The following SERPINA6 variants were observed in gnomAD, a reference collection of about 807,000 sequenced individuals.
The protein encoded by SERPINA6 is corticosteroid-binding globulin.
In SERPINA6, 19 loss-of-function variants were observed where a neutral mutation model predicts 26.4. The ratio of observed to expected loss-of-function variants is 0.72; its 90% confidence interval spans 0.50 to 1.06. The LOEUF is 1.06. SERPINA6 is among the 50% of genes least tolerant of loss of function. The pLI, the probability that SERPINA6 is intolerant of heterozygous loss-of-function variation, is 0.00. For synonymous variants in SERPINA6, 196 were observed against 199.4 expected, an observed-to-expected ratio of 0.98 and a Z score of 0.14; for missense variants, 473 against 504.0, an observed-to-expected ratio of 0.94 and a Z score of 0.59.
rs563481039 is a variant in SERPINA6 at position 94,304,388 on chromosome 14, A to G, written c.*30T>C. ...TGGGATCCCTGGTTCCCAAAGTCAG[A>G]CAGTGCTGAGGCTCTGGGTGGGTGG... is the stretch of plus-strand genomic sequence containing the variant. On this transcript the variant is annotated 3_prime_UTR_variant, in exon 5 of 5. Transcript: ENST00000341584. 2.6e-5 allele frequency: 42 copies of G among 1,610,190 alleles called. No homozygotes were observed. In the South Asian group the frequency reaches 4.6e-4, roughly 18 times the overall value.
intron 1 of SERPINA6, chr14:94,314,876 C>T: frequency 1.6e-6 from 1 of 615,538 alleles, no homozygotes; most frequent in Non-Finnish European, 2.9e-6. Context: ...TATCCAGTGC[C>T]TGACAGGTAC....
At chr14:94,306,473 C>T (rs936949853) in intron 3 of SERPINA6, among the ~76,000 whole-genome samples, 3 of 152,306 alleles carry the variant, frequency 2.0e-5, no homozygotes, top group Non-Finnish European at 4.4e-5. Flanking sequence ...GCAATTCCTT[C>T]GAGCTGATTC....
intron 1 of SERPINA6, among the ~76,000 whole-genome samples, chr14:94,316,183 C>G (rs1273195709): frequency 6.6e-6 from 1 of 152,074 alleles, no homozygotes; most frequent in Non-Finnish European, 1.5e-5. Flanking sequence ...AGTTTTCCTT[C>G]TGTTATTGAT....
intron 3 of SERPINA6, among the ~76,000 whole-genome samples, chr14:94,306,710 G>A (rs1895446392): frequency 6.6e-6 from 1 of 152,192 alleles, no homozygotes; most frequent in Non-Finnish European, 1.5e-5. Flanking sequence ...TTGAACACAG[G>A]CTCTCCCAGG....
At chr14:94,313,655 T>C (rs909274294) in intron 2 of SERPINA6, among the ~76,000 whole-genome samples, 1 of 152,024 alleles carries the variant, frequency 6.6e-6, no homozygotes, top group African/African-American at 2.4e-5. Context: ...CAGGATGGCT[T>C]TGGGGGCATC....
chr14:94,312,789 T>G, intron 2 of SERPINA6, among the ~76,000 whole-genome samples: 3 of 141,280 alleles, frequency 2.1e-5, no homozygotes, highest in African/African-American at 5.4e-5. Context: ...AGGTGCGGGA[T>G]GGGAGGGGAG....
In SERPINA6 at chr14:94,314,570, C is replaced by T. The variant is rs753007057; in HGVS notation, c.79G>A (p.Ala27Thr). ...TGGTTACTCATGTTCACATAAGCAG[C>T]GTTAGGATCCATGGCCTGGACGGTC... ...LWTVQAMDPN[A>T]AYVNMSNHHR... Residue 27 changes from alanine (A) to threonine (T), a missense_variant, in exon 2 of 5, where the codon GCT becomes ACT. Ala to Thr is a moderately conservative substitution (Grantham distance 58, BLOSUM62 0). Coordinates refer to ENST00000341584, the MANE Select transcript of SERPINA6 (RefSeq NM_001756.4). 23 of 1,614,016 alleles carry T rather than the reference C, an allele frequency of 1.4e-5. No individual in the cohort carries two copies. The highest frequency in any genetic ancestry group is 1.6e-4 in the Middle Eastern group (1 of 6,084).
chr14:94,313,781 TG>T, intron 2 of SERPINA6: 1 of 628,368 alleles, frequency 1.6e-6, no homozygotes, highest in Non-Finnish European at 2.9e-6. Flanking sequence ...AGACTGTTCA[TG>T]GTTACAGGTG....
At chr14:94,317,943 A>C (rs990483227) in intron 1 of SERPINA6, among the ~76,000 whole-genome samples, 1 of 152,260 alleles carries the variant, frequency 6.6e-6, no homozygotes, top group African/African-American at 2.4e-5. Flanking sequence ...TTATATGTTC[A>C]AAACCCTAAA....
chr14:94,316,107 G>A (rs956297332), intron 1 of SERPINA6, among the ~76,000 whole-genome samples: 18 of 152,078 alleles, frequency 1.2e-4, no homozygotes, highest in African/African-American at 4.3e-4. Context: ...TTCCCCTGGT[G>A]GTATCTTTTT....
Position 94,306,167 on chromosome 14 carries a change from G to C in SERPINA6, c.936C>G (p.Leu312=), listed in dbSNP as rs1042394. The C allele has an allele frequency of 1.2e-6, 2 of 1,613,920 alleles. No homozygotes were observed. Among genetic ancestry groups the C allele is most frequent in the African/African-American group, 2.7e-5 (2 of 74,884 alleles). ...PKVTISGVYD[L]GDVLEEMGIA... ...TGCCCATTTCCTCCAGCACATCTCC[G>C]AGGTCATAGACTCCAGAGATGGTGA... is the stretch of plus-strand genomic sequence containing the variant. The change falls in exon 4 of 5, where the codon CTC becomes CTG. Residue 312 remains leucine (L), a synonymous_variant. Coordinates refer to ENST00000341584, the MANE Select transcript of SERPINA6 (RefSeq NM_001756.4).
chr14:94,306,707 C>G (rs903347555), intron 3 of SERPINA6, among the ~76,000 whole-genome samples: 8 of 152,324 alleles, frequency 5.3e-5, no homozygotes, highest in African/African-American at 1.9e-4. Context: ...TGGTTGAACA[C>G]AGGCTCTCCC....
intron 1 of SERPINA6, 117 bp from the exon 2 acceptor site, chr14:94,314,784 G>C: frequency 1.1e-6 from 1 of 939,660 alleles, no homozygotes; most frequent in Non-Finnish European, 1.7e-6. Context: ...CTCCACACTG[G>C]CTGTGTGACC....
intron 1 of SERPINA6, among the ~76,000 whole-genome samples, chr14:94,316,085 A>C (rs1895609849): frequency 6.6e-6 from 1 of 152,166 alleles, no homozygotes; most frequent in Non-Finnish European, 1.5e-5. Context: ...TTTGTCTTTA[A>C]GTATTTTCTA....
intron 3 of SERPINA6, 117 bp from the exon 4 acceptor site, chr14:94,306,335 G>T (rs1353665325): frequency 5.7e-6 from 6 of 1,053,818 alleles, no homozygotes; most frequent in African/African-American, 1.6e-5. Context: ...TCCAGCTCCT[G>T]CCCTCCAGCC....
At chr14:94,317,746 A>T (rs1895631672) in intron 1 of SERPINA6, among the ~76,000 whole-genome samples, 1 of 152,230 alleles carries the variant, frequency 6.6e-6, no homozygotes, top group Non-Finnish European at 1.5e-5. Context: ...AAAACCTTTT[A>T]TACTCAATAG....
At chr14:94,312,522 C>T (rs897108072) in intron 2 of SERPINA6, among the ~76,000 whole-genome samples, 4 of 152,224 alleles carry the variant, frequency 2.6e-5, no homozygotes, top group Admixed American at 6.5e-5. Context: ...TGCACAGTCT[C>T]GTGGGGGAGA....
At chr14:94,308,202 C>T (rs1895470454) in intron 3 of SERPINA6, among the ~76,000 whole-genome samples, 1 of 152,238 alleles carries the variant, frequency 6.6e-6, no homozygotes, top group South Asian at 2.1e-4. Context: ...CATTCCCGGG[C>T]AGAGTCAGGC....
intron 3 of SERPINA6, among the ~76,000 whole-genome samples, chr14:94,308,470 A>T (rs1895474851): frequency 6.6e-6 from 1 of 152,216 alleles, no homozygotes; most frequent in Non-Finnish European, 1.5e-5. Flanking sequence ...TGAGTGAGTG[A>T]GTGAATGAAA....
Sources: gnomAD v4.1 joint callset for allele counts (sites outside exome capture counted in the v4.1 genomes callset) on GRCh38, gnomAD v4.1.1 for gene constraint, MANE v1.5 for transcripts, NCBI Gene and HGNC (gene_info 2026-07-23, HGNC 2026-07-21) for gene names.